UGT1A4: variants seen among roughly 807,000 people sequenced by gnomAD.
UGT1A4 encodes the protein UDP glucuronosyltransferase family 1 member A4.
A neutral mutation model predicts 41.1 loss-of-function variants in UGT1A4; 32 were observed. The ratio of observed to expected loss-of-function variants is 0.78; its 90% CI spans 0.59 to 1.05. The LOEUF (loss-of-function observed/expected upper bound fraction) is 1.05. Ranked by LOEUF, UGT1A4 falls within the 50% of genes least tolerant of loss-of-function variation. The probability of loss-of-function intolerance (pLI) is 0.00; values close to 1 mark genes in which losing one functional copy is unlikely to be tolerated. For missense variants in UGT1A4, 748 were observed against 677.4 expected (o/e 1.10, Z -1.16); for synonymous variants, 283 against 265.1 (o/e 1.07, Z -0.66).
Position 233,769,243 on chromosome 2 carries a change from CA to C in UGT1A4, c.1307+807del. Among the ~76,000 whole-genome samples the C allele has an allele frequency of 6.6e-6, 1 of 152,264 alleles. No homozygotes were observed. The highest frequency in any genetic ancestry group is 1.9e-4 in the East Asian group (1 of 5,180). ...GAATAAGAGCAAAGGAAAATTTGCT[CA>C]AATGTGGCCCTGAAAACGATTCAAA... On this transcript the variant is annotated intron_variant, in intron 4 of 4. Coordinates refer to ENST00000373409, the MANE Select transcript of UGT1A4 (RefSeq NM_007120.3). The surrounding 1 kb of genome is among the most constrained non-coding windows in gnomAD (Gnocchi z 4.4).
chr2:233,760,377 A>G (rs1697424081), intron 1 of UGT1A4: 2 of 1,614,124 alleles, frequency 1.2e-6, no homozygotes, highest in Admixed American at 1.7e-5. Flanking sequence ...CTGGGAAGAT[A>G]CTGTTGATCC....
At position 233,719,211 on chromosome 2, in the gene UGT1A4, C is replaced by T; in HGVS notation, c.391C>T (p.Leu131=). 2 of 1,614,194 alleles carry T rather than the reference C, an allele frequency of 1.2e-6. No homozygotes were observed. The highest frequency in any genetic ancestry group is 1.7e-6 in the Non-Finnish European group (2 of 1,180,038). ...GGCCCTTCATAGGTGTTGTGTGGAG[C>T]TACTGCATAATGAGGCCCTGATCAG... ...SLALHRCCVE[L]LHNEALIRHL... is the part of the protein sequence containing the mutation. Residue 131 remains leucine (L), a synonymous_variant, in exon 1 of 5, where the codon CTA becomes TTA. Transcript: ENST00000373409.
chr2:233,768,376 A>G lies in UGT1A4; in HGVS notation c.1244A>G (p.Asn415Ser). The G allele has an allele frequency of 6.2e-7, 1 of 1,614,182 alleles. No homozygotes were observed. The highest frequency in any genetic ancestry group is 8.5e-7 in the Non-Finnish European group (1 of 1,180,034). ...ACTAAGGGAGCTGGAGTGACCCTGA[A>G]TGTTCTGGAAATGACTTCTGAAGAT... is the stretch of plus-strand genomic sequence containing the variant. ...METKGAGVTLNVLEMTSEDLE... is the reference protein window; with the variant it reads ...METKGAGVTLSVLEMTSEDLE... Residue 415 changes from asparagine (N) to serine (S), a missense_variant, in exon 4 of 5, where the codon AAT becomes AGT. Physicochemically the swap from Asn to Ser is conservative, Grantham distance 46 (BLOSUM62 1). Transcript: ENST00000373409.
Position 233,719,236 on chromosome 2 carries a change from G to C in UGT1A4, c.416G>C (p.Arg139Thr), listed in dbSNP as rs766129715. The C allele has an allele frequency of 2.5e-5, 41 of 1,614,064 alleles. 1 individual carries two copies. The South Asian group carries it at 4.4e-4, about 17-fold the overall frequency. Residue 139 changes from arginine to threonine, a missense_variant, in exon 1 of 5, where the codon AGG becomes ACG. Transcript: ENST00000373409. ...CTACTGCATAATGAGGCCCTGATCA[G>C]GCACCTGAATGCTACTTCCTTTGAT... ...VELLHNEALI[R>T]HLNATSFDVV... is the part of the protein sequence containing the mutation.
At position 233,769,774 on chromosome 2, in the gene UGT1A4, G is replaced by C; in HGVS notation, c.1307+1335G>C. The C allele has an allele frequency of 7.3e-7, 1 of 1,375,358 alleles. No homozygotes were observed. Among genetic ancestry groups the C allele is most frequent in the Non-Finnish European group, 9.5e-7 (1 of 1,052,824 alleles). 85.2% of individuals were successfully genotyped at this position (1,375,358 alleles called of 1,614,324 possible). ...GGAGGCTAAGGCGGGAGGATTGCTT[G>C]AGCCCAGAAGTTGGAGGCTGCTATG... On this transcript the variant is annotated intron_variant, in intron 4 of 4. Transcript: ENST00000373409. This position sits in a 1 kb window ranked among gnomAD's most constrained non-coding sequence, Gnocchi z 4.4.
chr2:233,729,285 C>G (rs1346383611), intron 1 of UGT1A4: 12 of 1,614,080 alleles, frequency 7.4e-6, no homozygotes, highest in Non-Finnish European at 5.9e-6. Context: ...AGCTCCATGC[C>G]AGAGGCCACC....
intron 1 of UGT1A4, among the ~76,000 whole-genome samples, chr2:233,742,449 T>C (rs1691982228): frequency 6.6e-6 from 1 of 151,986 alleles, no homozygotes. Flanking sequence ...GGGCCAGGTG[T>C]TCCTTGCCCT....
At chr2:233,761,908 A>G (rs535316155) in intron 1 of UGT1A4, among the ~76,000 whole-genome samples, 1 of 152,320 alleles carries the variant, frequency 6.6e-6, no homozygotes, top group South Asian at 2.1e-4. Flanking sequence ...TTGGCTGAGG[A>G]TCTACTGGCA....
At chr2:233,756,155 A>G (rs1696135469) in intron 1 of UGT1A4, 2 of 152,312 alleles carry the variant, frequency 1.3e-5, no homozygotes, top group South Asian at 4.1e-4. Context: ...GATCCCTAGG[A>G]TTTCCTGGCT....
At chr2:233,749,725 C>T in intron 1 of UGT1A4, among the ~76,000 whole-genome samples, 1 of 151,866 alleles carries the variant, frequency 6.6e-6, no homozygotes, top group East Asian at 1.9e-4. Flanking sequence ...GGCAGTTTCG[C>T]ACCTGCTGGT....
chr2:233,749,622 C>A (rs1694233341), intron 1 of UGT1A4, among the ~76,000 whole-genome samples: 1 of 151,854 alleles, frequency 6.6e-6, no homozygotes, highest in Admixed American at 6.5e-5. Context: ...TGATTTGGCT[C>A]TGTATCCCCC....
At chr2:233,772,118 A>G (rs186997429) in intron 4 of UGT1A4, 144 bp from the exon 5 acceptor site, 177 of 1,520,864 alleles carry the variant, frequency 1.2e-4, no homozygotes, top group Non-Finnish European at 1.4e-4. Flanking sequence ...GTATCTAAAA[A>G]CAACAACAAC....
At chr2:233,747,348 G>C in intron 1 of UGT1A4, 1 of 1,603,426 alleles carries the variant, frequency 6.2e-7, no homozygotes, top group Admixed American at 1.7e-5. Flanking sequence ...TCGCATGCGG[G>C]AGGCCGTGCG....
chr2:233,729,290 G>C (rs1376789035), intron 1 of UGT1A4: 3 of 1,614,236 alleles, frequency 1.9e-6, no homozygotes, highest in East Asian at 4.5e-5. Context: ...CATGCCAGAG[G>C]CCACCAGGCA....
rs527503361 is a variant in UGT1A4 at position 233,743,746 on chromosome 2, C to T, written c.868-23288C>T. ...CATAGATATCGCGTTTCTTGGCGTC[C>T]GACAACACCTCGTAGGCCTCGGCCA... On this transcript the variant is annotated intron_variant, in intron 1 of 4. Coordinates refer to ENST00000373409, the MANE Select transcript of UGT1A4 (RefSeq NM_007120.3). The T allele has an allele frequency of 1.3e-5, 18 of 1,367,364 alleles. 1 individual carries two copies. The highest frequency in any genetic ancestry group is 1.0e-4 in the African/African-American group (7 of 67,556). 84.7% of individuals were successfully genotyped at this position (1,367,364 alleles called of 1,614,324 possible).
intron 1 of UGT1A4, chr2:233,756,322 A>G (rs1437718635): frequency 6.6e-6 from 1 of 152,226 alleles, no homozygotes; most frequent in Non-Finnish European, 1.5e-5. Flanking sequence ...ATCCTCCTTT[A>G]AACCTCTAGT....
chr2:233,725,249 GGAGGCAGAGGCAGAGGAGGCA>G (rs1559370474), intron 1 of UGT1A4, among the ~76,000 whole-genome samples: 14 of 48,542 alleles, frequency 2.9e-4, no homozygotes, highest in Middle Eastern at 0.01. Context: ...CAGAGGCAGA[GGAGGCAGAGGCAGAGGAGGCA>G]GAGGCAGAGG....
In UGT1A4 at chr2:233,740,134, T is replaced by C. The variant is rs143794870; in HGVS notation, c.867+20447T>C. ...CTTATCTCTCACCTTCTGTCATGATTGTAAGTTTCCTGAGGCCTCCCCAGT... is the reference window on the plus strand; with the variant it reads ...CTTATCTCTCACCTTCTGTCATGATCGTAAGTTTCCTGAGGCCTCCCCAGT... On this transcript the variant is annotated intron_variant, in intron 1 of 4. Transcript: ENST00000373409. Among the ~76,000 whole-genome samples the C allele has an allele frequency of 9.1e-3, 1,384 of 152,004 alleles. 51 individuals carry two copies. The highest frequency in any genetic ancestry group is 0.032 in the African/African-American group (1,337 of 41,236).
intron 1 of UGT1A4, among the ~76,000 whole-genome samples, chr2:233,759,163 C>T (rs28899472): frequency 0.024 from 3,618 of 152,322 alleles, 42 homozygotes; most frequent in Non-Finnish European, 0.031. Flanking sequence ...GAACACAAGG[C>T]AGGCAGGTTT....
Sources: gnomAD v4.1 joint callset for allele counts (sites outside exome capture counted in the v4.1 genomes callset) on GRCh38, gnomAD v4.1.1 for gene constraint, Gnocchi (gnomAD v3.1) non-coding constraint, MANE v1.5 for transcripts, NCBI Gene and HGNC (gene_info 2026-07-23, HGNC 2026-07-21) for gene names.